PLPPR1: variants seen among roughly 807,000 people sequenced by gnomAD.
PLPPR1 encodes phospholipid phosphatase-related protein type 1.
In PLPPR1, 10 loss-of-function variants were observed where a neutral mutation model predicts 33.1. The ratio of observed to expected loss-of-function variants is 0.30; its 90% CI spans 0.19 to 0.51. The LOEUF (loss-of-function observed/expected upper bound fraction) is 0.51. Among genes scored for constraint, PLPPR1 ranks in the 20% least tolerant of loss-of-function variants. The pLI is 0.97. For missense variants in PLPPR1, 304 were observed against 408.1 expected, an observed-to-expected ratio of 0.74 and a Z score of 2.20; for synonymous variants, 151 against 151.0, an observed-to-expected ratio of 1.00 and a Z score of 0.00.
chr9:101,267,587 A>G (rs1471600811), intron 2 of PLPPR1, among the ~76,000 whole-genome samples: 1 of 152,226 alleles, frequency 6.6e-6, no homozygotes, highest in African/African-American at 2.4e-5. Context: ...AACAGTCAGA[A>G]ACAAGTCATG....
chr9:101,211,625 T>A (rs1055704289), intron 2 of PLPPR1, among the ~76,000 whole-genome samples: 5 of 152,190 alleles, frequency 3.3e-5, no homozygotes, highest in Non-Finnish European at 5.9e-5. Flanking sequence ...CCCACCTCCT[T>A]AACACTAGGC....
intron 1 of PLPPR1, among the ~76,000 whole-genome samples, chr9:101,098,003 T>C (rs182474740): frequency 6.6e-6 from 1 of 151,482 alleles, no homozygotes; most frequent in African/African-American, 2.4e-5. Flanking sequence ...TTGTGGCCTA[T>C]AACACTGAAC....
intron 1 of PLPPR1, among the ~76,000 whole-genome samples, chr9:101,164,238 C>T (rs3118944): frequency 0.43 from 65,989 of 151,946 alleles, 14,884 homozygotes; most frequent in Non-Finnish European, 0.5. Context: ...CCTGGGCACT[C>T]TGCTTAAACT....
In PLPPR1 at chr9:101,221,144, T is replaced by C. The variant is rs367958991; in HGVS notation, c.63+35587T>C. ...GCAGTACAGGCAGTATTAGGTTACATAAGTAAGTTCTTTAGTGGTGATTTG... is the reference window on the plus strand; with the variant it reads ...GCAGTACAGGCAGTATTAGGTTACACAAGTAAGTTCTTTAGTGGTGATTTG... On this transcript the variant is annotated intron_variant, in intron 2 of 7. Transcript: ENST00000374874. Among the ~76,000 whole-genome samples the C allele has an allele frequency of 2.5e-4, 38 of 152,300 alleles. No individual in the cohort carries two copies. In the South Asian group the frequency reaches 7.0e-3, roughly 28 times the overall value.
intron 4 of PLPPR1, among the ~76,000 whole-genome samples, chr9:101,293,449 A>G (rs879468589): frequency 3.2e-3 from 487 of 152,080 alleles, no homozygotes; most frequent in Non-Finnish European, 5.6e-3. Flanking sequence ...TGCACCAAGC[A>G]GACCTAATAG....
At chr9:101,151,823 G>A (rs814061) in intron 1 of PLPPR1, among the ~76,000 whole-genome samples, 101,363 of 152,072 alleles carry the variant, frequency 0.67, 34,513 homozygotes, top group Non-Finnish European at 0.74. Context: ...TGGTGTGACA[G>A]AAGCAATCGG....
At chr9:101,049,099 T>G (rs1830188917) in intron 1 of PLPPR1, among the ~76,000 whole-genome samples, 1 of 152,240 alleles carries the variant, frequency 6.6e-6, no homozygotes. Flanking sequence ...CTGGCACTTG[T>G]GTGTGCCCCT....
chr9:101,270,925 G>A (rs936214937), intron 3 of PLPPR1, among the ~76,000 whole-genome samples: 1 of 151,966 alleles, frequency 6.6e-6, no homozygotes, highest in South Asian at 2.1e-4. Flanking sequence ...CCTCTATTCG[G>A]CAGTAATAAA....
At chr9:101,163,659 C>G (rs75226468) in intron 1 of PLPPR1, among the ~76,000 whole-genome samples, 1 of 152,100 alleles carries the variant, frequency 6.6e-6, no homozygotes, top group Non-Finnish European at 1.5e-5. Context: ...AGATTTTACT[C>G]TGTAGGTCAC....
intron 1 of PLPPR1, among the ~76,000 whole-genome samples, chr9:101,124,511 C>CA: frequency 6.6e-6 from 1 of 152,260 alleles, no homozygotes; most frequent in Admixed American, 6.5e-5. Context: ...TCATCTCCTG[C>CA]AAAAACACAA....
intron 3 of PLPPR1, among the ~76,000 whole-genome samples, chr9:101,271,582 C>G (rs1274680866): frequency 6.6e-6 from 1 of 152,180 alleles, no homozygotes; most frequent in Non-Finnish European, 1.5e-5. Context: ...TACAGGACAC[C>G]TTTCCATGTA....
chr9:101,317,634 G>A, intron 7 of PLPPR1, 138 bp downstream of exon 7: 3 of 870,520 alleles, frequency 3.4e-6, no homozygotes, highest in Non-Finnish European at 5.1e-6. Flanking sequence ...CTCACAAAAG[G>A]CAGCCTTCAC....
At position 101,246,071 on chromosome 9, in the gene PLPPR1, T is replaced by G. The variant is rs185706537; in HGVS notation, c.64-23809T>G. ...TTGAATATGAATATATATATATATA[T>G]ATATATATATATATATATATATATA... is the stretch of plus-strand genomic sequence containing the variant. On this transcript the variant is annotated intron_variant, in intron 2 of 7. Transcript: ENST00000374874. Among the ~76,000 whole-genome samples the G allele has an allele frequency of 1.1e-3, 88 of 80,928 alleles. 1 individual carries two copies. The highest frequency in any genetic ancestry group is 2.6e-3 in the African/African-American group (73 of 27,780). The allele number at this position is 80,928 out of a possible 152,430, so 53.1% of individuals were successfully genotyped here.
At chr9:101,170,575 A>T (rs1056109579) in intron 1 of PLPPR1, among the ~76,000 whole-genome samples, 2 of 152,186 alleles carry the variant, frequency 1.3e-5, no homozygotes, top group African/African-American at 4.8e-5. Context: ...CATACTAGTA[A>T]GAAGTATGAT....
At chr9:101,155,549 C>G (rs909428407) in intron 1 of PLPPR1, among the ~76,000 whole-genome samples, 1 of 152,158 alleles carries the variant, frequency 6.6e-6, no homozygotes, top group Admixed American at 6.6e-5. Context: ...CTCTTAAAGG[C>G]CCTACCTCTC....
rs192273051 is a variant in PLPPR1 at position 101,148,147 on chromosome 9, T to A, written c.-45-37303T>A. On this transcript the variant is annotated intron_variant, in intron 1 of 7. Transcript: ENST00000374874. ...TGAGGTGGGTAAATGAGTTGAGTCTTCCATACTCTCTCCTCTGGAATGTAC... is the reference window on the plus strand; with the variant it reads ...TGAGGTGGGTAAATGAGTTGAGTCTACCATACTCTCTCCTCTGGAATGTAC... 2.0e-5 allele frequency among the ~76,000 whole-genome samples: 3 copies of A among 152,250 alleles called. No individual in the cohort carries two copies. In the East Asian group the frequency reaches 5.8e-4, roughly 29 times the overall value.
At chr9:101,113,245 C>A (rs184236663) in intron 1 of PLPPR1, among the ~76,000 whole-genome samples, 2 of 151,078 alleles carry the variant, frequency 1.3e-5, no homozygotes, top group East Asian at 1.9e-4. Flanking sequence ...GTTTTAGTAG[C>A]CTCCAGTGTG....
chr9:101,140,715 ATTAC>A (rs1831440267), intron 1 of PLPPR1, among the ~76,000 whole-genome samples: 1 of 152,176 alleles, frequency 6.6e-6, no homozygotes, highest in Admixed American at 6.5e-5. Flanking sequence ...ATAATAACCA[ATTAC>A]TTACAATGGA....
At chr9:101,230,358 T>C (rs541111593) in intron 2 of PLPPR1, among the ~76,000 whole-genome samples, 1 of 152,242 alleles carries the variant, frequency 6.6e-6, no homozygotes, top group South Asian at 2.1e-4. Flanking sequence ...TTTCCTTTCA[T>C]ATGGAAAGAC....
Sources: gnomAD v4.1 joint callset for allele counts (sites outside exome capture counted in the v4.1 genomes callset) on GRCh38, gnomAD v4.1.1 for gene constraint, MANE v1.5 for transcripts, NCBI Gene and HGNC (gene_info 2026-07-23, HGNC 2026-07-21) for gene names.